The following UGT2A3 variants were observed in gnomAD, a reference collection of about 807,000 sequenced individuals.
The protein encoded by UGT2A3 is UDP-glucuronosyltransferase 2A3.
Under a neutral mutation model 44.1 loss-of-function variants are expected in UGT2A3, and 55 were observed. That is an observed-to-expected ratio of 1.25 (90% CI 1.00 to 1.56). The LOEUF is 1.56. Ranked by LOEUF, UGT2A3 falls within the 40% of genes most tolerant of loss-of-function variation. The probability of loss-of-function intolerance (pLI) is 0.00; values close to 1 mark genes in which losing one functional copy is unlikely to be tolerated. For synonymous variants in UGT2A3, 243 were observed against 215.1 expected, an observed-to-expected ratio of 1.13 and a Z score of -1.13; for missense variants, 733 against 621.6, an observed-to-expected ratio of 1.18 and a Z score of -1.91.
Position 68,942,319 on chromosome 4 carries a change from A to C in UGT2A3, c.864+2987T>G, listed in dbSNP as rs569557846. ...GATATATATACACACATTTGAAAAT[A>C]TCTCTCTCTCTCTCTCTCTCTATAT... On this transcript the variant is annotated intron_variant, in intron 2 of 5. Transcript: ENST00000251566. Among the ~76,000 whole-genome samples the C allele has an allele frequency of 1.5e-3, 226 of 146,024 alleles. No homozygotes were observed. The East Asian group carries it at 0.035, about 23-fold the overall frequency.
chr4:68,931,306 G>T, intron 3 of UGT2A3, 64 bp from the exon 4 acceptor site: 3 of 1,314,226 alleles, frequency 2.3e-6, no homozygotes, highest in Non-Finnish European at 3.3e-6. Flanking sequence ...TAAGGATGTA[G>T]ATATAGTTAT....
intron 2 of UGT2A3, among the ~76,000 whole-genome samples, chr4:68,936,360 A>T (rs1483008035): frequency 3.9e-5 from 6 of 152,102 alleles, no homozygotes; most frequent in African/African-American, 7.2e-5. Context: ...CAAACAGTGG[A>T]TCTCTCAGCA....
At position 68,949,450 on chromosome 4, in the gene UGT2A3, GC is replaced by G. The variant is rs527457436; in HGVS notation, c.715+1595del. Among the ~76,000 whole-genome samples, 30 of 151,836 alleles carry G rather than the reference GC, an allele frequency of 2.0e-4. No homozygotes were observed. In the South Asian group the frequency reaches 3.1e-3, roughly 16 times the overall value. The stretch of plus-strand genomic sequence containing the variant: ...GTCTTATATTGTAACACATCAAGGT[GC>G]CCCCAAGCTAATAAACGTGTAACCA... On this transcript the variant is annotated intron_variant, in intron 1 of 5. Coordinates refer to ENST00000251566, the MANE Select transcript of UGT2A3 (RefSeq NM_024743.4).
At chr4:68,946,632 A>G (rs533270728) in intron 1 of UGT2A3, among the ~76,000 whole-genome samples, 1 of 151,864 alleles carries the variant, frequency 6.6e-6, no homozygotes, top group Admixed American at 6.6e-5. Context: ...GAGTCATTCA[A>G]TGTTTAAAGG....
rs748736443 is a variant in UGT2A3, at chr4:68,932,620, T to C, written c.996+8A>G. On this transcript the variant is annotated splice_region_variant and intron_variant, in intron 3 of 5. Transcript: ENST00000251566. ...TAGCTGCTTATCAGGATTGGAGGTT[T>C]TACTGACCTTCTGTGGGATCTGGGC... is the stretch of plus-strand genomic sequence containing the variant. 1 of 1,601,600 alleles carries C rather than the reference T, an allele frequency of 6.2e-7. No individual in the cohort carries two copies. Among genetic ancestry groups the C allele is most frequent in the South Asian group, 1.1e-5 (1 of 89,226 alleles).
chr4:68,935,040 G>A (rs1048284572), intron 2 of UGT2A3, among the ~76,000 whole-genome samples: 3 of 151,168 alleles, frequency 2.0e-5, no homozygotes, highest in Admixed American at 6.6e-5. Flanking sequence ...AAAACAAGGA[G>A]AAATAAATAA....
intron 2 of UGT2A3, 117 bp from the exon 3 acceptor site, chr4:68,932,876 G>T: frequency 9.7e-7 from 1 of 1,026,984 alleles, no homozygotes; most frequent in Non-Finnish European, 1.4e-6. Context: ...GTTATATTCT[G>T]TCCCTATATG....
At chr4:68,950,389 C>T (rs12645476) in intron 1 of UGT2A3, among the ~76,000 whole-genome samples, 3,223 of 151,880 alleles carry the variant, frequency 0.021, 116 homozygotes, top group East Asian at 0.15. Flanking sequence ...AATTCTCAAA[C>T]ATATTTGGAT....
At chr4:68,936,839 T>C (rs190042785) in intron 2 of UGT2A3, among the ~76,000 whole-genome samples, 2 of 114,560 alleles carry the variant, frequency 1.7e-5, no homozygotes, top group Non-Finnish European at 3.4e-5. Context: ...GAGACACACA[T>C]AGACACAAAA....
intron 2 of UGT2A3, among the ~76,000 whole-genome samples, chr4:68,934,689 C>G (rs1303090259): frequency 6.6e-6 from 1 of 151,256 alleles, no homozygotes; most frequent in Non-Finnish European, 1.5e-5. Flanking sequence ...TTAGTAAGAA[C>G]CCATCTCTAC....
At chr4:68,942,637 G>A (rs192388930) in intron 2 of UGT2A3, among the ~76,000 whole-genome samples, 2 of 150,214 alleles carry the variant, frequency 1.3e-5, no homozygotes, top group African/African-American at 4.9e-5. Flanking sequence ...GAACCTCCAG[G>A]GCATAATGTT....
intron 3 of UGT2A3, 99 bp from the exon 4 acceptor site, chr4:68,931,341 G>A: frequency 3.2e-6 from 3 of 948,534 alleles, no homozygotes; most frequent in East Asian, 2.6e-5. Context: ...TTGTACTTCA[G>A]GTGATGGTTG....
intron 2 of UGT2A3, among the ~76,000 whole-genome samples, chr4:68,936,090 G>T (rs1388703733): frequency 6.6e-6 from 1 of 152,098 alleles, no homozygotes; most frequent in Non-Finnish European, 1.5e-5. Flanking sequence ...TGTTTGATTG[G>T]TGTACCTGAA....
intron 2 of UGT2A3, among the ~76,000 whole-genome samples, chr4:68,944,850 C>A (rs765102905): frequency 6.6e-6 from 1 of 151,650 alleles, no homozygotes; most frequent in Non-Finnish European, 1.5e-5. Flanking sequence ...TTGAAATTTT[C>A]TTTTATTCTT....
intron 2 of UGT2A3, among the ~76,000 whole-genome samples, chr4:68,934,633 A>C (rs1717865916): frequency 6.6e-6 from 1 of 151,978 alleles, no homozygotes; most frequent in South Asian, 2.1e-4. Flanking sequence ...GCATTTTCAG[A>C]GACAGAGGCT....
In UGT2A3 at chr4:68,951,442, C is replaced by G. The variant is rs780003912; in HGVS notation, c.319G>C (p.Val107Leu). Residue 107 changes from valine (V) to leucine (L), a missense_variant, in exon 1 of 6, where the codon GTT (valine) becomes CTT (leucine). Val to Leu is a conservative substitution (Grantham distance 32, BLOSUM62 1). Coordinates refer to ENST00000251566, the MANE Select transcript of UGT2A3 (RefSeq NM_024743.4). Reference protein sequence around the residue: ...VLPGLSTWQSVIKLNDFFVEI... With the variant: ...VLPGLSTWQSLIKLNDFFVEI... ...ACAAAAAAATCATTTAATTTTATAA[C>G]TGATTGCCAGGTTGATAAGCCTGGC... The G allele has an allele frequency of 3.1e-6, 5 of 1,611,850 alleles. No homozygotes were observed. The highest frequency in any genetic ancestry group is 2.2e-5 in the East Asian group (1 of 44,696).
intron 1 of UGT2A3, among the ~76,000 whole-genome samples, chr4:68,945,696 G>C (rs1718361819): frequency 7.1e-6 from 1 of 140,706 alleles, no homozygotes; most frequent in Non-Finnish European, 1.6e-5. Context: ...AGGAAGGATG[G>C]AGGGAGGGAA....
chr4:68,930,498 T>C (rs771089326), intron 5 of UGT2A3, 48 bp downstream of exon 5: 3 of 1,494,378 alleles, frequency 2.0e-6, no homozygotes, highest in African/African-American at 2.8e-5. Flanking sequence ...TGGTATAATG[T>C]ATAACATAGT....
At chr4:68,935,272 GTATGTATATATATA>G (rs1271961448) in intron 2 of UGT2A3, among the ~76,000 whole-genome samples, 21 of 89,212 alleles carry the variant, frequency 2.4e-4, no homozygotes, top group African/African-American at 7.1e-4. Flanking sequence ...ATGTATGTAT[GTATGTATATATATA>G]TATATATATA....
Sources: gnomAD v4.1 joint callset for allele counts (sites outside exome capture counted in the v4.1 genomes callset) on GRCh38, gnomAD v4.1.1 for gene constraint, MANE v1.5 for transcripts, NCBI Gene and HGNC (gene_info 2026-07-23, HGNC 2026-07-21) for gene names.